VLDLR: variants seen among roughly 807,000 people sequenced by gnomAD.
VLDLR encodes the protein very low-density lipoprotein receptor.
VLDLR carries 81 observed loss-of-function variants against 112.7 expected under a neutral mutation model. That is an observed-to-expected ratio of 0.72 (90% CI 0.60 to 0.86). The LOEUF is 0.86. Ranked by LOEUF, VLDLR falls within the 40% of genes least tolerant of loss-of-function variation. VLDLR has a pLI of 0.00. For synonymous variants in VLDLR, 436 were observed against 384.8 expected (o/e 1.13, Z -1.56); for missense variants, 1,237 against 1,099.4 (o/e 1.13, Z -1.77).
intron 17 of VLDLR, among the ~76,000 whole-genome samples, chr9:2,652,263 C>A (rs949545589): frequency 2.6e-5 from 4 of 152,114 alleles, no homozygotes; most frequent in African/African-American, 9.7e-5. Flanking sequence ...TGTTCTGTTC[C>A]CCCTTTGAAA....
chr9:2,634,703 T>A (rs1386156414), intron 1 of VLDLR, among the ~76,000 whole-genome samples: 3 of 152,234 alleles, frequency 2.0e-5, no homozygotes, highest in Non-Finnish European at 2.9e-5. Flanking sequence ...TGACAAATGA[T>A]CTTCCTTTCC....
chr9:2,633,049 AGAGTGTGTGTGT>A (rs1474734577), intron 1 of VLDLR, among the ~76,000 whole-genome samples: 11 of 107,092 alleles, frequency 1.0e-4, no homozygotes, highest in East Asian at 2.4e-4. Context: ...AGAGAGAGAG[AGAGTGTGTGTGT>A]GTGTGTGTGT....
intron 14 of VLDLR, 44 bp downstream of exon 14, chr9:2,648,854 G>C: frequency 6.2e-7 from 1 of 1,613,014 alleles, no homozygotes; most frequent in South Asian, 1.1e-5. Context: ...TTTAAGGGAA[G>C]CAGCATGACA....
At chr9:2,630,582 G>A (rs529350655) in intron 1 of VLDLR, among the ~76,000 whole-genome samples, 68 of 152,314 alleles carry the variant, frequency 4.5e-4, no homozygotes, top group African/African-American at 1.6e-3. Context: ...GGTGCTGCTC[G>A]GAGCCCCATA....
At chr9:2,645,829 CT>C in intron 10 of VLDLR, 84 bp downstream of exon 10, 1 of 1,535,244 alleles carries the variant, frequency 6.5e-7, no homozygotes, top group East Asian at 2.2e-5. Context: ...GGAGGAGTTT[CT>C]TTTGTGTCTA....
rs915723768 is a variant in VLDLR at position 2,643,044 on chromosome 9, G to A, written c.449-116G>A. On this transcript the variant is annotated intron_variant, in intron 4 of 18. Transcript: ENST00000382100. ...GATTTAACTCCATTGTAGCCTTTAA[G>A]TTGGGCTAGTAAGTTAGGATTAATG... 4 of 1,503,304 alleles carry A rather than the reference G, an allele frequency of 2.7e-6. No homozygotes were observed. In the African/African-American group the frequency reaches 5.5e-5, roughly 21 times the overall value. 93.1% of individuals were successfully genotyped at this position (1,503,304 alleles called of 1,614,324 possible).
intron 17 of VLDLR, 128 bp from the exon 18 acceptor site, chr9:2,652,652 T>C: frequency 1.6e-6 from 2 of 1,286,700 alleles, no homozygotes; most frequent in Middle Eastern, 2.4e-4. Context: ...AACTTCTAGT[T>C]ATCCTAGCTC....
At chr9:2,638,912 C>G (rs1817713812) in intron 2 of VLDLR, among the ~76,000 whole-genome samples, 2 of 151,458 alleles carry the variant, frequency 1.3e-5, no homozygotes, top group Admixed American at 1.3e-4. Flanking sequence ...AAAATCTTCT[C>G]TCCCTTGAAT....
In VLDLR at chr9:2,641,963, T is replaced by C. The variant is rs569872964; in HGVS notation, c.448+464T>C. Among the ~76,000 whole-genome samples the C allele has an allele frequency of 3.4e-5, 5 of 146,402 alleles. No individual in the cohort carries two copies. In the South Asian group the frequency reaches 1.1e-3, roughly 31 times the overall value. On this transcript the variant is annotated intron_variant, in intron 4 of 18. Transcript: ENST00000382100. ...CATGAACTAGATTCTGGCATAACTTTCCCAGAAAAAAAAAAAAAAAAGACA... is the reference window on the plus strand; with the variant it reads ...CATGAACTAGATTCTGGCATAACTTCCCCAGAAAAAAAAAAAAAAAAGACA...
At chr9:2,638,805 C>G (rs1409861230) in intron 2 of VLDLR, among the ~76,000 whole-genome samples, 1 of 152,198 alleles carries the variant, frequency 6.6e-6, no homozygotes, top group Non-Finnish European at 1.5e-5. Flanking sequence ...TCTCCTTAGG[C>G]TATTTTAACA....
intron 1 of VLDLR, among the ~76,000 whole-genome samples, chr9:2,630,807 C>G (rs1817315908): frequency 6.6e-6 from 1 of 152,086 alleles, no homozygotes; most frequent in South Asian, 2.1e-4. Flanking sequence ...GCTTAGGCCA[C>G]AAAAACAAAA....
rs765234695 is a variant in VLDLR at position 2,646,821 on chromosome 9, A to G, written c.1703+269A>G. On this transcript the variant is annotated intron_variant, in intron 11 of 18. Transcript: ENST00000382100. Reference sequence around the variant, plus strand: ...CATTCCTGATTTGATGTGTGTACCAAAAGCTGTATCTGAACCCTTTTGTCC... The same window carrying G: ...CATTCCTGATTTGATGTGTGTACCAGAAGCTGTATCTGAACCCTTTTGTCC... Among the ~76,000 whole-genome samples the G allele has an allele frequency of 2.6e-4, 40 of 152,272 alleles. 1 individual carries two copies. Among genetic ancestry groups the G allele is most frequent in the Non-Finnish European group, 4.9e-4 (33 of 68,010 alleles).
rs755152882 is a variant in VLDLR, at chr9:2,644,953, C to T, written c.1187-4C>T. On this transcript the variant is annotated splice_region_variant and splice_polypyrimidine_tract_variant and intron_variant, in intron 8 of 18. Transcript: ENST00000382100. ...AGCAAGACTAATTCTGATTTCCCTC[C>T]CAGATATTGATGAATGCCAAAATCC... 6 of 1,614,116 alleles carry T rather than the reference C, an allele frequency of 3.7e-6. No individual in the cohort carries two copies. The highest frequency in any genetic ancestry group is 1.6e-4 in the Middle Eastern group (1 of 6,062).
chr9:2,636,537 A>G, intron 2 of VLDLR, among the ~76,000 whole-genome samples: 1 of 152,322 alleles, frequency 6.6e-6, no homozygotes, highest in East Asian at 1.9e-4. Flanking sequence ...CTGATCTCTC[A>G]GAGCAGTATC....
At chr9:2,651,643 G>C (rs1818347252) in intron 16 of VLDLR, 145 bp downstream of exon 16, 1 of 913,146 alleles carries the variant, frequency 1.1e-6, no homozygotes, top group Non-Finnish European at 1.7e-6. Flanking sequence ...CTTAAAACTT[G>C]CATATCTTTT....
Position 2,650,327 on chromosome 9 carries a change from G to A in VLDLR, c.2105-43G>A, listed in dbSNP as rs756136231. The stretch of plus-strand genomic sequence containing the variant: ...TAGAACAAGGCTTTATATATACTAG[G>A]CACCGGAATACCCATTTTAATGGTA... On this transcript the variant is annotated intron_variant, in intron 14 of 18. Transcript: ENST00000382100. 5 of 1,612,232 alleles carry A rather than the reference G, an allele frequency of 3.1e-6. No homozygotes were observed. In the East Asian group the frequency reaches 1.1e-4, roughly 36 times the overall value.
Position 2,655,748 on chromosome 9 carries a change from G to C in VLDLR, c.*1880G>C, listed in dbSNP as rs918158464. 6.6e-6 allele frequency: 1 copy of C among 152,148 alleles called. No individual in the cohort carries two copies. Among genetic ancestry groups the C allele is most frequent in the Non-Finnish European group, 1.5e-5 (1 of 68,030 alleles). 9.4% of individuals were successfully genotyped at this position (152,148 alleles called of 1,614,324 possible). A position where few individuals can be genotyped will look rare whatever the true frequency, so the allele number is the denominator to read the frequency against. The stretch of plus-strand genomic sequence containing the variant: ...GAGGTCAAGCATGTAGAAGGAAAAG[G>C]CTGTAGTCATGAATATAGAACTGTC... On this transcript the variant is annotated 3_prime_UTR_variant, in exon 19 of 19. Transcript: ENST00000382100.
chr9:2,627,910 C>A (rs1409256404), intron 1 of VLDLR, among the ~76,000 whole-genome samples: 2 of 151,886 alleles, frequency 1.3e-5, no homozygotes, highest in East Asian at 3.9e-4. Context: ...TGAAGGTACC[C>A]TCATAGGCCT....
At chr9:2,652,147 G>A (rs1016343836) in intron 17 of VLDLR, among the ~76,000 whole-genome samples, 193 bp downstream of exon 17, 12 of 152,082 alleles carry the variant, frequency 7.9e-5, no homozygotes, top group African/African-American at 2.9e-4. Context: ...TTGTACCTTT[G>A]GCACAGTAAC....
Sources: gnomAD v4.1 joint callset for allele counts (sites outside exome capture counted in the v4.1 genomes callset) on GRCh38, gnomAD v4.1.1 for gene constraint, MANE v1.5 for transcripts, NCBI Gene and HGNC (gene_info 2026-07-23, HGNC 2026-07-21) for gene names.